Variants in DPP10 observed in about 807,000 individuals in gnomAD.
DPP10 encodes the protein inactive dipeptidyl peptidase 10.
A neutral mutation model predicts 120.9 loss-of-function variants in DPP10; 33 were observed. That is an observed-to-expected ratio of 0.27 (90% CI 0.21 to 0.37). The LOEUF (loss-of-function observed/expected upper bound fraction) is 0.37. Ranked by LOEUF, DPP10 falls within the 10% of genes least tolerant of loss-of-function variation. DPP10 has a pLI of 1.00. For synonymous variants in DPP10, 337 were observed against 326.1 expected (o/e 1.03, Z -0.36); for missense variants, 816 against 942.8 (o/e 0.87, Z 1.76).
chr2:115,735,254 A>T (rs1304308430), intron 8 of DPP10, among the ~76,000 whole-genome samples: 2 of 152,188 alleles, frequency 1.3e-5, no homozygotes, highest in Admixed American at 1.3e-4. Flanking sequence ...CTATTGTTTC[A>T]TTGCAGGATG....
At chr2:115,483,479 C>CTATGTGTATG (rs3980957) in intron 3 of DPP10, among the ~76,000 whole-genome samples, 1 of 144,072 alleles carries the variant, frequency 6.9e-6, no homozygotes, top group Non-Finnish European at 1.5e-5. Flanking sequence ...ATCTATCTAT[C>CTATGTGTATG]TGTATGTGTA....
intron 1 of DPP10, among the ~76,000 whole-genome samples, chr2:114,497,326 T>TGTATACATGTACATGTATACAC (rs1558814249): frequency 7.8e-4 from 17 of 21,744 alleles, no homozygotes; most frequent in Non-Finnish European, 1.6e-3. Context: ...CATGTATACG[T>TGTATACATGTACATGTATACAC]GTATACATGT....
chr2:115,519,717 T>C (rs2077693609), intron 4 of DPP10, among the ~76,000 whole-genome samples: 1 of 152,174 alleles, frequency 6.6e-6, no homozygotes, highest in Non-Finnish European at 1.5e-5. Context: ...TAGGGACTGC[T>C]GCCTCCTTTC....
intron 7 of DPP10, among the ~76,000 whole-genome samples, chr2:115,721,730 T>C (rs1371036520): frequency 1.3e-5 from 2 of 152,194 alleles, no homozygotes; most frequent in Non-Finnish European, 2.9e-5. Context: ...AACTACCTTA[T>C]GATCTAGCCG....
chr2:115,468,999 T>G (rs1238943189), intron 3 of DPP10: 1 of 225,962 alleles, frequency 4.4e-6, no homozygotes, highest in Non-Finnish European at 8.8e-6. Flanking sequence ...ATCACCCTGT[T>G]GCCCAGGCTG....
At chr2:114,808,042 A>G (rs560277973) in intron 1 of DPP10, among the ~76,000 whole-genome samples, 2 of 152,296 alleles carry the variant, frequency 1.3e-5, no homozygotes, top group South Asian at 4.1e-4. Flanking sequence ...GTGGCTCAAT[A>G]CTCCAAGAGA....
At chr2:115,825,440 T>C (rs941599274) in intron 21 of DPP10, among the ~76,000 whole-genome samples, 1 of 152,230 alleles carries the variant, frequency 6.6e-6, no homozygotes, top group Non-Finnish European at 1.5e-5. Flanking sequence ...TCATTTGTGT[T>C]CTGTTTTCAT....
intron 1 of DPP10, among the ~76,000 whole-genome samples, chr2:115,207,478 G>C (rs937630821): frequency 1.5e-5 from 2 of 134,440 alleles, no homozygotes; most frequent in Non-Finnish European, 3.1e-5. Context: ...TTTTAAAACC[G>C]TTTAGTCAAA....
chr2:115,448,118 A>C (rs1316113602), intron 3 of DPP10, among the ~76,000 whole-genome samples: 2 of 152,178 alleles, frequency 1.3e-5, no homozygotes, highest in Non-Finnish European at 1.5e-5. Flanking sequence ...ACAGTGAATG[A>C]GATTGTTGAT....
At chr2:115,664,868 GT>G (rs2089318690) in intron 5 of DPP10, among the ~76,000 whole-genome samples, 1 of 132,566 alleles carries the variant, frequency 7.5e-6, no homozygotes, top group Admixed American at 7.4e-5. Context: ...ATCGCCACTA[GT>G]CACATGTGGC....
chr2:115,394,674 C>G (rs2067556829), intron 3 of DPP10, among the ~76,000 whole-genome samples: 1 of 152,086 alleles, frequency 6.6e-6, no homozygotes, highest in African/African-American at 2.4e-5. Flanking sequence ...AATAACAAGA[C>G]TATTAAAGGA....
intron 4 of DPP10, among the ~76,000 whole-genome samples, chr2:115,508,889 G>C (rs1007630577): frequency 6.6e-6 from 1 of 152,086 alleles, no homozygotes; most frequent in Non-Finnish European, 1.5e-5. Flanking sequence ...GCAACAGAGC[G>C]AGACTTCATC....
In DPP10 at chr2:114,752,102, A is replaced by T. The variant is rs180846417; in HGVS notation, c.60+309264A>T. Among the ~76,000 whole-genome samples the T allele has an allele frequency of 2.6e-5, 4 of 152,216 alleles. No individual in the cohort carries two copies. The East Asian group carries it at 7.7e-4, about 29-fold the overall frequency. ...GGGCCAGGAATTTGCATTTCTACTT[A>T]GTTCCCAAATGATGCCAATGGTCAG... On this transcript the variant is annotated intron_variant, in intron 1 of 25. Coordinates refer to ENST00000410059, the MANE Select transcript of DPP10 (RefSeq NM_020868.6).
intron 1 of DPP10, among the ~76,000 whole-genome samples, chr2:114,668,778 CTG>C (rs879878370): frequency 6.6e-6 from 1 of 152,104 alleles, no homozygotes; most frequent in Non-Finnish European, 1.5e-5. Context: ...CTTTCTTTCT[CTG>C]TGGAATGTTC....
chr2:114,935,864 T>G (rs1363049921), intron 1 of DPP10, among the ~76,000 whole-genome samples: 1 of 80,578 alleles, frequency 1.2e-5, no homozygotes, highest in Non-Finnish European at 2.9e-5. Flanking sequence ...AAACTGAAGG[T>G]TTTTTTTTTT....
chr2:115,706,503 T>G (rs1307931731), intron 7 of DPP10, among the ~76,000 whole-genome samples: 1 of 151,914 alleles, frequency 6.6e-6, no homozygotes, highest in Non-Finnish European at 1.5e-5. Flanking sequence ...CAATGTATAC[T>G]TTAGACAGTT....
intron 20 of DPP10, 42 bp downstream of exon 20, chr2:115,815,029 CAG>C: frequency 6.4e-7 from 1 of 1,550,994 alleles, no homozygotes. Flanking sequence ...TCTATAATGA[CAG>C]AGTCTTGGTA....
intron 1 of DPP10, among the ~76,000 whole-genome samples, chr2:114,789,886 G>A (rs1354354946): frequency 6.6e-6 from 1 of 152,162 alleles, no homozygotes; most frequent in Non-Finnish European, 1.5e-5. Context: ...GATCCATTCA[G>A]AAATGTTAAA....
At chr2:114,694,358 G>T (rs1162648724) in intron 1 of DPP10, among the ~76,000 whole-genome samples, 1 of 151,794 alleles carries the variant, frequency 6.6e-6, no homozygotes. Context: ...TACAATTTAT[G>T]TTCTTATAGT....
Sources: gnomAD v4.1 joint callset for allele counts (sites outside exome capture counted in the v4.1 genomes callset) on GRCh38, gnomAD v4.1.1 for gene constraint, MANE v1.5 for transcripts, NCBI Gene and HGNC (gene_info 2026-07-23, HGNC 2026-07-21) for gene names.